SPAG17: variants seen among roughly 807,000 people sequenced by gnomAD.
SPAG17 encodes sperm-associated antigen 17.
A neutral mutation model predicts 273.6 loss-of-function variants in SPAG17; 169 were observed. The ratio of observed to expected loss-of-function variants is 0.62; its 90% CI spans 0.55 to 0.70. The LOEUF (loss-of-function observed/expected upper bound fraction) is 0.70, where lower values mean the gene tolerates loss of function less well. Among genes scored for constraint, SPAG17 ranks in the 30% least tolerant of loss-of-function variants. The probability of loss-of-function intolerance (pLI) is 0.00; values close to 1 mark genes in which losing one functional copy is unlikely to be tolerated. For synonymous variants in SPAG17, 825 were observed against 873.2 expected, an observed-to-expected ratio of 0.94 and a Z score of 0.97; for missense variants, 2,557 against 2,627.8, an observed-to-expected ratio of 0.97 and a Z score of 0.59.
chr1:118,100,224 G>A (rs543331511), intron 5 of SPAG17, among the ~76,000 whole-genome samples: 8 of 152,282 alleles, frequency 5.3e-5, no homozygotes, highest in African/African-American at 1.9e-4. Flanking sequence ...ACAGGAGAGG[G>A]AAATAATGAA....
intron 43 of SPAG17, among the ~76,000 whole-genome samples, chr1:117,977,152 A>G (rs1655227236): frequency 8.3e-6 from 1 of 120,096 alleles, no homozygotes; most frequent in Non-Finnish European, 1.7e-5. Flanking sequence ...TCTACTAAAA[A>G]TACAAAAAAA....
intron 1 of SPAG17, among the ~76,000 whole-genome samples, chr1:118,153,359 T>C (rs917333705): frequency 6.6e-6 from 1 of 152,040 alleles, no homozygotes; most frequent in African/African-American, 2.4e-5. Context: ...TCAAGGTCAT[T>C]TTGGCAGAAC....
chr1:117,991,012 GA>G, intron 37 of SPAG17, 106 bp from the exon 38 acceptor site: 2 of 586,004 alleles, frequency 3.4e-6, no homozygotes, highest in Non-Finnish European at 5.7e-6. Context: ...ACTATAAAAT[GA>G]ATTAGTTTAA....
chr1:118,029,731 T>C (rs1648201527), intron 25 of SPAG17, among the ~76,000 whole-genome samples: 1 of 152,300 alleles, frequency 6.6e-6, no homozygotes. Context: ...CATTTCAATT[T>C]TTCCAGTTGG....
chr1:118,171,033 T>C (rs763605352), intron 1 of SPAG17, among the ~76,000 whole-genome samples: 47 of 152,150 alleles, frequency 3.1e-4, no homozygotes, highest in Non-Finnish European at 5.1e-4. Context: ...AATTCCAAGA[T>C]GAGTAGAAGT....
At chr1:118,079,015 T>G (rs765511536) in intron 15 of SPAG17, among the ~76,000 whole-genome samples, 7 of 152,234 alleles carry the variant, frequency 4.6e-5, no homozygotes, top group Non-Finnish European at 8.8e-5. Context: ...TTTAATTTAA[T>G]GAATTACTTT....
Position 118,185,089 on chromosome 1 carries a change from T to G in SPAG17, c.69A>C (p.Ile23=). Residue 23 remains isoleucine (I), a synonymous_variant, in exon 1 of 49, where the codon ATA becomes ATC. Coordinates refer to ENST00000336338, the MANE Select transcript of SPAG17 (RefSeq NM_206996.4). ...TSSKIWEPSL[I]AAQFNQNDWQ... is the part of the protein sequence containing the mutation. Reference sequence around the variant, plus strand: ...GGCTCACCTGATTGAACTGTGCAGCTATGAGCGAGGGTTCCCATATCTTAG... The same window carrying G: ...GGCTCACCTGATTGAACTGTGCAGCGATGAGCGAGGGTTCCCATATCTTAG... 1 of 1,614,154 alleles carries G rather than the reference T, an allele frequency of 6.2e-7. No homozygotes were observed. The highest frequency in any genetic ancestry group is 8.5e-7 in the Non-Finnish European group (1 of 1,179,984).
At chr1:118,039,663 G>C (rs186548308) in intron 22 of SPAG17, among the ~76,000 whole-genome samples, 3 of 152,164 alleles carry the variant, frequency 2.0e-5, no homozygotes, top group Admixed American at 6.5e-5. Context: ...AGGAGGGTGA[G>C]GACCAAAAAC....
chr1:118,107,514 G>A (rs893568466), intron 4 of SPAG17, among the ~76,000 whole-genome samples: 3 of 151,884 alleles, frequency 2.0e-5, no homozygotes, highest in Non-Finnish European at 2.9e-5. Context: ...CCCCACCTTC[G>A]CAAAAGTATT....
At chr1:118,148,526 A>G (rs1201667336) in intron 3 of SPAG17, among the ~76,000 whole-genome samples, 1 of 149,682 alleles carries the variant, frequency 6.7e-6, no homozygotes, top group Non-Finnish European at 1.5e-5. Flanking sequence ...GGTCCATTTT[A>G]CAGAGTGCTG....
chr1:118,000,309 C>G (rs1658134179), intron 32 of SPAG17, among the ~76,000 whole-genome samples: 1 of 152,142 alleles, frequency 6.6e-6, no homozygotes, highest in Non-Finnish European at 1.5e-5. Context: ...AATGTGGGCT[C>G]TTTCTTGGTT....
chr1:118,057,279 C>G (rs916442307), intron 18 of SPAG17, among the ~76,000 whole-genome samples: 1 of 152,040 alleles, frequency 6.6e-6, no homozygotes, highest in Non-Finnish European at 1.5e-5. Context: ...TGTTATTGGC[C>G]TGGTCTAAGC....
intron 18 of SPAG17, among the ~76,000 whole-genome samples, chr1:118,058,137 T>A (rs539593432): frequency 3.6e-4 from 55 of 152,308 alleles, no homozygotes; most frequent in Middle Eastern, 3.4e-3. Context: ...AATACTTAAC[T>A]TTATTTTTAA....
At position 118,185,071 on chromosome 1, in the gene SPAG17, CTGAT is replaced by C; in HGVS notation, c.83_86del (p.Asn28ArgfsTer52). On this transcript the variant is annotated frameshift_variant and splice_region_variant, in exon 1 of 49. Coordinates refer to ENST00000336338, the MANE Select transcript of SPAG17 (RefSeq NM_206996.4). LOFTEE classifies it high-confidence loss of function. ...AGGGCTTAAAGGGCTCAAGGCTCAC[CTGAT>C]TGAACTGTGCAGCTATGAGCGAGGG... 6.2e-7 allele frequency: 1 copy of C among 1,613,996 alleles called. No homozygotes were observed. Among genetic ancestry groups the C allele is most frequent in the South Asian group, 1.1e-5 (1 of 91,078 alleles).
At chr1:118,028,954 T>C (rs1214363599) in intron 25 of SPAG17, among the ~76,000 whole-genome samples, 1 of 152,192 alleles carries the variant, frequency 6.6e-6, no homozygotes, top group Non-Finnish European at 1.5e-5. Context: ...GAAGGAACCA[T>C]CTCTATGAGG....
chr1:117,977,458 GAT>G (rs1655268076), intron 43 of SPAG17, among the ~76,000 whole-genome samples: 1 of 152,154 alleles, frequency 6.6e-6, no homozygotes, highest in South Asian at 2.1e-4. Context: ...ATGATTTTTA[GAT>G]GTCACTTGAC....
intron 1 of SPAG17, among the ~76,000 whole-genome samples, chr1:118,157,352 T>C (rs756756442): frequency 6.6e-6 from 1 of 152,202 alleles, no homozygotes; most frequent in Non-Finnish European, 1.5e-5. Flanking sequence ...CAATGCGCTA[T>C]GTGGATCTAT....
intron 28 of SPAG17, among the ~76,000 whole-genome samples, chr1:118,019,564 A>G (rs1321832629): frequency 6.6e-6 from 1 of 152,204 alleles, no homozygotes; most frequent in Non-Finnish European, 1.5e-5. Flanking sequence ...CAATATTTGA[A>G]GAGATAATTA....
chr1:118,174,530 A>G (rs1660587493), intron 1 of SPAG17, among the ~76,000 whole-genome samples: 1 of 152,242 alleles, frequency 6.6e-6, no homozygotes, highest in African/African-American at 2.4e-5. Flanking sequence ...TCCCAGAAAG[A>G]TAAGAGAGAG....
Sources: allele counts gnomAD v4.1 joint callset (sites outside exome capture counted in the v4.1 genomes callset), GRCh38; gene constraint gnomAD v4.1.1; transcripts MANE v1.5; gene names NCBI Gene and HGNC (gene_info 2026-07-23, HGNC 2026-07-21).